Variants in PRELID2 observed in about 807,000 individuals in gnomAD.
The protein encoded by PRELID2 is PRELI domain containing 2, also known as PRELI domain-containing protein 2.
PRELID2 carries 25 observed loss-of-function variants against 28.4 expected under a neutral mutation model. The ratio of observed to expected loss-of-function variants is 0.88; its 90% CI spans 0.64 to 1.23. PRELID2 has a LOEUF of 1.23. Among genes scored for constraint, PRELID2 ranks in the 50% most tolerant of loss-of-function variants. The pLI is 0.00. For missense variants in PRELID2, 201 were observed against 214.4 expected (o/e 0.94, Z 0.39); for synonymous variants, 76 against 71.6 (o/e 1.06, Z -0.31).
chr5:145,282,512 C>G, the PRELID2 span, among the ~76,000 whole-genome samples: 1 of 147,918 alleles, frequency 6.8e-6, no homozygotes, highest in African/African-American at 2.5e-5. Flanking sequence ...TGAGACAGCT[C>G]TTCTTTTTTT....
At chr5:145,431,149 A>T in the PRELID2 span, among the ~76,000 whole-genome samples, 6 of 150,892 alleles carry the variant, frequency 4.0e-5, no homozygotes, top group African/African-American at 1.5e-4. Context: ...AGAATTTTTT[A>T]AAAATCAAAG....
At chr5:145,504,386 T>A (rs946377801) in intron 1 of PRELID2, among the ~76,000 whole-genome samples, 2 of 152,202 alleles carry the variant, frequency 1.3e-5, no homozygotes, top group Non-Finnish European at 2.9e-5. Context: ...AAGCTACTAA[T>A]TTCCTTAACT....
intron 1 of PRELID2, among the ~76,000 whole-genome samples, chr5:145,490,407 T>C (rs1416584254): frequency 6.6e-6 from 1 of 152,218 alleles, no homozygotes; most frequent in Admixed American, 6.5e-5. Flanking sequence ...ATATTATGGA[T>C]GTATTGATTA....
At chr5:145,693,728 C>T (rs72811545) in intron 1 of PRELID2, among the ~76,000 whole-genome samples, 1 of 152,294 alleles carries the variant, frequency 6.6e-6, no homozygotes, top group South Asian at 2.1e-4. Context: ...GAGCTCTGAT[C>T]ATACCACTTC....
At chr5:145,364,283 T>G in the PRELID2 span, among the ~76,000 whole-genome samples, 11 of 151,982 alleles carry the variant, frequency 7.2e-5, no homozygotes, top group African/African-American at 2.7e-4. Flanking sequence ...TGATGAAAAT[T>G]TGATTATATT....
chr5:145,273,426 G>A, the PRELID2 span, among the ~76,000 whole-genome samples: 13 of 152,010 alleles, frequency 8.6e-5, no homozygotes, highest in African/African-American at 3.1e-4. Flanking sequence ...ATGATGGATT[G>A]TCAGAGCCAG....
At chr5:145,401,850 G>T in the PRELID2 span, among the ~76,000 whole-genome samples, 1 of 152,176 alleles carries the variant, frequency 6.6e-6, no homozygotes, top group Admixed American at 6.6e-5. Context: ...TATTCTCACA[G>T]ACAGAGGAGG....
At chr5:145,270,485 T>G in the PRELID2 span, among the ~76,000 whole-genome samples, 4 of 152,086 alleles carry the variant, frequency 2.6e-5, no homozygotes, top group Admixed American at 1.3e-4. Flanking sequence ...AAAGAGTGCA[T>G]AGTGTGTAAT....
chr5:145,238,987 G>A, the PRELID2 span, among the ~76,000 whole-genome samples: 2,767 of 141,596 alleles, frequency 0.02, 42 homozygotes, highest in Middle Eastern at 0.063. Flanking sequence ...CTATCTATCT[G>A]TCTATCTATC....
At chr5:145,755,203 G>T (rs941801941), downstream of PRELID2, among the ~76,000 whole-genome samples, 2 of 152,194 alleles carry the variant, frequency 1.3e-5, no homozygotes, top group African/African-American at 4.8e-5. Context: ...CAGAGCAAAG[G>T]TCGTGGCAAC....
the PRELID2 span, among the ~76,000 whole-genome samples, chr5:145,288,774 ACTCTAATCTGT>A: frequency 3.5e-4 from 53 of 152,160 alleles, no homozygotes; most frequent in Non-Finnish European, 6.5e-4. Context: ...GAGGTATCCA[ACTCTAATCTGT>A]TAGAGTTGGA....
chr5:145,454,322 C>A, the PRELID2 span, among the ~76,000 whole-genome samples: 1 of 152,148 alleles, frequency 6.6e-6, no homozygotes, highest in Non-Finnish European at 1.5e-5. Context: ...CAGCCAATAT[C>A]ATACTGAATG....
intron 1 of PRELID2, among the ~76,000 whole-genome samples, chr5:145,689,734 G>A (rs76102876): frequency 0.034 from 5,199 of 152,232 alleles, 300 homozygotes; most frequent in African/African-American, 0.12. Flanking sequence ...ATAAGAGGGA[G>A]GAATCTGAGC....
intron 1 of PRELID2, among the ~76,000 whole-genome samples, chr5:145,571,939 A>G (rs1295228345): frequency 6.6e-6 from 1 of 151,028 alleles, no homozygotes; most frequent in Non-Finnish European, 1.5e-5. Flanking sequence ...CCGAGATTAC[A>G]CCACTGCACT....
rs147964203 is a variant in PRELID2 at position 145,765,745 on chromosome 5, G to A, written c.475-745C>T. Among the ~76,000 whole-genome samples the A allele has an allele frequency of 7.3e-3, 1,116 of 152,156 alleles. 20 individuals carry two copies. Among genetic ancestry groups the A allele is most frequent in the African/African-American group, 0.026 (1,060 of 41,534 alleles). On this transcript the variant is annotated intron_variant, in intron 5 of 6. Coordinates refer to ENST00000683046, the MANE Select transcript of PRELID2 (RefSeq NM_205846.3). ...GTTCCTGAGTGCGCACTACAATACCGCCTGCAGGCAAATCTCAAACTAAGT... is the reference window on the plus strand; with the variant it reads ...GTTCCTGAGTGCGCACTACAATACCACCTGCAGGCAAATCTCAAACTAAGT...
chr5:145,248,733 G>C, the PRELID2 span, among the ~76,000 whole-genome samples: 1 of 151,246 alleles, frequency 6.6e-6, no homozygotes, highest in African/African-American at 2.4e-5. Flanking sequence ...GGGGGTGCAG[G>C]TTGCAGTGAA....
intron 1 of PRELID2, among the ~76,000 whole-genome samples, chr5:145,518,175 A>G (rs1752534568): frequency 7.3e-6 from 1 of 137,738 alleles, no homozygotes; most frequent in African/African-American, 2.8e-5. Context: ...AATAATAATA[A>G]TAATGATGTC....
At chr5:145,422,870 G>C in the PRELID2 span, among the ~76,000 whole-genome samples, 2 of 151,848 alleles carry the variant, frequency 1.3e-5, no homozygotes, top group Admixed American at 1.3e-4. Flanking sequence ...GCAGTGGCTG[G>C]TACCGGTTGT....
chr5:145,727,860 C>A (rs543299625), intron 1 of PRELID2, among the ~76,000 whole-genome samples: 15 of 152,270 alleles, frequency 9.9e-5, no homozygotes, highest in Non-Finnish European at 1.6e-4. Context: ...AAACAAGCAA[C>A]ATTCAGGGCA....
Sources: allele counts gnomAD v4.1 joint callset (sites outside exome capture counted in the v4.1 genomes callset), GRCh38; gene constraint gnomAD v4.1.1; transcripts MANE v1.5; gene names NCBI Gene and HGNC (gene_info 2026-07-23, HGNC 2026-07-21).